The following FOXP1 variants were observed in gnomAD, a reference collection of about 807,000 sequenced individuals.
The protein encoded by FOXP1 is forkhead box P1.
Under a neutral mutation model 98.2 loss-of-function variants are expected in FOXP1, and 15 were observed. The observed-to-expected ratio is 0.15, with a 90% CI of 0.10 to 0.24. The LOEUF (loss-of-function observed/expected upper bound fraction) is 0.24. Among genes scored for constraint, FOXP1 ranks in the 10% least tolerant of loss-of-function variants. The pLI is 1.00. For synonymous variants in FOXP1, 371 were observed against 314.5 expected (o/e 1.18, Z -1.90); for missense variants, 633 against 848.5 (o/e 0.75, Z 3.15).
chr3:70,989,095 A>G (rs943376082), intron 13 of FOXP1, among the ~76,000 whole-genome samples: 11 of 152,230 alleles, frequency 7.2e-5, no homozygotes, highest in Non-Finnish European at 1.3e-4. Flanking sequence ...CTTTAAAAAT[A>G]AAGTTTTTTA....
chr3:71,191,601 T>C (rs2062983269), intron 6 of FOXP1, among the ~76,000 whole-genome samples: 2 of 152,222 alleles, frequency 1.3e-5, no homozygotes, highest in Non-Finnish European at 2.9e-5. Context: ...TGAAAGAATT[T>C]CATACAAGGC....
At chr3:71,149,669 C>A (rs1157503826) in intron 6 of FOXP1, among the ~76,000 whole-genome samples, 1 of 152,136 alleles carries the variant, frequency 6.6e-6, no homozygotes, top group Non-Finnish European at 1.5e-5. Context: ...CCGATAAATA[C>A]ATAGATGAAT....
rs552325139 is a variant in FOXP1, at chr3:70,964,695, T to C, written c.1889+1195A>G. On this transcript the variant is annotated intron_variant, in intron 20 of 20. Transcript: ENST00000649528. ...TCAGTGTGAAAGATAAACACACTCTTAAAATGCTGTGAAGCAAATGCTAAG... is the reference window on the plus strand; with the variant it reads ...TCAGTGTGAAAGATAAACACACTCTCAAAATGCTGTGAAGCAAATGCTAAG... Among the ~76,000 whole-genome samples, 4 of 152,324 alleles carry C rather than the reference T, an allele frequency of 2.6e-5. No individual in the cohort carries two copies. The East Asian group carries it at 5.8e-4, about 22-fold the overall frequency.
chr3:71,258,478 G>A (rs1018309719), intron 5 of FOXP1, among the ~76,000 whole-genome samples: 1 of 152,158 alleles, frequency 6.6e-6, no homozygotes, highest in African/African-American at 2.4e-5. Flanking sequence ...CCCAGCAGAG[G>A]GCCAGTCCCT....
At chr3:71,093,273 G>GAAAAAAAAAAAAAAATAA (rs34159878) in intron 7 of FOXP1, among the ~76,000 whole-genome samples, 1 of 133,534 alleles carries the variant, frequency 7.5e-6, no homozygotes, top group Non-Finnish European at 1.6e-5. Flanking sequence ...AAATAAAAAT[G>GAAAAAAAAAAAAAAATAA]AAAAAAAAAA....
chr3:71,474,636 A>G (rs2089659720), intron 3 of FOXP1, among the ~76,000 whole-genome samples: 1 of 152,072 alleles, frequency 6.6e-6, no homozygotes, highest in Non-Finnish European at 1.5e-5. Context: ...TGTGAACTGC[A>G]CATGTGAGGG....
intron 3 of FOXP1, among the ~76,000 whole-genome samples, chr3:71,375,819 A>T (rs942167293): frequency 6.6e-6 from 1 of 152,204 alleles, no homozygotes; most frequent in African/African-American, 2.4e-5. Context: ...TTAGAAGGAA[A>T]CGGACTTGGT....
chr3:71,515,163 C>T (rs1044499744), intron 2 of FOXP1, among the ~76,000 whole-genome samples: 34 of 152,050 alleles, frequency 2.2e-4, no homozygotes, highest in Non-Finnish European at 4.3e-4. Context: ...CTCTCATAAC[C>T]AAAACAGGCC....
At chr3:71,341,835 A>T (rs966016306) in intron 4 of FOXP1, among the ~76,000 whole-genome samples, 2 of 152,224 alleles carry the variant, frequency 1.3e-5, no homozygotes, top group African/African-American at 4.8e-5. Flanking sequence ...TACAGCAATC[A>T]TTTTCACTCA....
At chr3:71,052,337 G>C (rs1053983379) in intron 9 of FOXP1, among the ~76,000 whole-genome samples, 200 bp downstream of exon 9, 1 of 152,118 alleles carries the variant, frequency 6.6e-6, no homozygotes, top group Non-Finnish European at 1.5e-5. Context: ...GTGCAGTGGT[G>C]TTATAAAATA....
chr3:71,523,084 TA>T (rs1472183181), intron 2 of FOXP1, among the ~76,000 whole-genome samples: 5 of 152,040 alleles, frequency 3.3e-5, no homozygotes, highest in African/African-American at 1.2e-4. Context: ...CTGGTGTCTG[TA>T]AAAAGGGGAA....
intron 5 of FOXP1, among the ~76,000 whole-genome samples, chr3:71,201,178 G>A (rs755729916): frequency 3.2e-4 from 48 of 152,156 alleles, no homozygotes; most frequent in African/African-American, 9.2e-4. Flanking sequence ...AGAGTAAAGC[G>A]TCTATCAAAA....
At chr3:71,307,851 T>C (rs2074386759) in intron 4 of FOXP1, among the ~76,000 whole-genome samples, 1 of 152,208 alleles carries the variant, frequency 6.6e-6, no homozygotes, top group Non-Finnish European at 1.5e-5. Context: ...GAATATATTA[T>C]ACAATTATAG....
At chr3:71,318,545 T>A (rs1452232260) in intron 4 of FOXP1, among the ~76,000 whole-genome samples, 2 of 152,236 alleles carry the variant, frequency 1.3e-5, no homozygotes, top group Non-Finnish European at 2.9e-5. Context: ...CACATTTATT[T>A]AATAAATGCA....
chr3:70,959,303 C>A lies in FOXP1; in HGVS notation c.1978G>T (p.Asp660Tyr). 1 of 1,613,722 alleles carries A rather than the reference C, an allele frequency of 6.2e-7. No individual in the cohort carries two copies. Among genetic ancestry groups the A allele is most frequent in the Non-Finnish European group, 8.5e-7 (1 of 1,179,960 alleles). Residue 660 changes from aspartate (D) to tyrosine (Y), a missense_variant, in exon 21 of 21, where the codon GAT (aspartate) becomes TAT (tyrosine). Asp to Tyr is a radical substitution (Grantham distance 160). This residue lies in a region of FOXP1 where 150 missense variants were observed against 163.7 expected (regional missense o/e 0.92). Coordinates refer to ENST00000649528, the MANE Select transcript of FOXP1 (RefSeq NM_001349338.3). ...TCGTAATCTCTGTCATGGTCAAAAT[C>A]TGGACTGTGGTTGGCTGTTGTCACT... Reference protein sequence around the residue: ...SLVTTANHSPDFDHDRDYEDE... With the variant: ...SLVTTANHSPYFDHDRDYEDE...
At chr3:71,230,096 A>G (rs1432635534) in intron 5 of FOXP1, among the ~76,000 whole-genome samples, 1 of 135,296 alleles carries the variant, frequency 7.4e-6, no homozygotes, top group Non-Finnish European at 1.6e-5. Context: ...AGATACCAGC[A>G]GCCAAAGCAG....
At position 71,210,569 on chromosome 3, in the gene FOXP1, T is replaced by C. The variant is rs374604058; in HGVS notation, c.-11-12177A>G. Among the ~76,000 whole-genome samples the C allele has an allele frequency of 6.0e-4, 92 of 152,280 alleles. 1 individual carries two copies. In the South Asian group the frequency reaches 0.019, roughly 31 times the overall value. ...TAGGGCTGGAGCTGTTCTACTGCCC[T>C]TGAGAAAGAAAATCAGACTTGCTCA... is the stretch of plus-strand genomic sequence containing the variant. On this transcript the variant is annotated intron_variant, in intron 5 of 20. Coordinates refer to ENST00000649528, the MANE Select transcript of FOXP1 (RefSeq NM_001349338.3).
intron 2 of FOXP1, among the ~76,000 whole-genome samples, chr3:71,505,385 G>A (rs1053927202): frequency 1.3e-5 from 2 of 148,162 alleles, no homozygotes; most frequent in Admixed American, 6.7e-5. Context: ...CATGCACTCA[G>A]TCCTCCTATT....
chr3:71,187,616 G>A (rs932190540), intron 6 of FOXP1, among the ~76,000 whole-genome samples: 1 of 152,070 alleles, frequency 6.6e-6, no homozygotes, highest in South Asian at 2.1e-4. Flanking sequence ...GATACAGTAA[G>A]TCTATATAAA....
Sources: allele counts gnomAD v4.1 joint callset (sites outside exome capture counted in the v4.1 genomes callset), GRCh38; gene constraint gnomAD v4.1.1; regional missense constraint gnomAD v4.1.1; transcripts MANE v1.5; gene names NCBI Gene and HGNC (gene_info 2026-07-23, HGNC 2026-07-21).